Variants in VPS54 observed in about 807,000 individuals in gnomAD.
The protein encoded by VPS54 is VPS54 subunit of GARP complex, also known as vacuolar protein sorting-associated protein 54.
VPS54 carries 45 observed loss-of-function variants against 121.5 expected under a neutral mutation model. The ratio of observed to expected loss-of-function variants is 0.37; its 90% CI spans 0.29 to 0.47. The LOEUF is 0.47. Ranked by LOEUF, VPS54 falls within the 20% of genes least tolerant of loss-of-function variation. The pLI is 0.99. For synonymous variants in VPS54, 371 were observed against 385.8 expected (o/e 0.96, Z 0.45); for missense variants, 1,090 against 1,131.4 (o/e 0.96, Z 0.52).
At chr2:63,904,805 C>T (rs1672838389) in intron 20 of VPS54, among the ~76,000 whole-genome samples, 1 of 152,122 alleles carries the variant, frequency 6.6e-6, no homozygotes, top group Non-Finnish European at 1.5e-5. Flanking sequence ...ACATTCTGGG[C>T]CACAAAAGAA....
intron 12 of VPS54, among the ~76,000 whole-genome samples, chr2:63,931,279 A>G (rs1485191661): frequency 6.6e-6 from 1 of 152,222 alleles, no homozygotes; most frequent in South Asian, 2.1e-4. Flanking sequence ...AATAATCAAA[A>G]CAACATGATA....
chr2:63,983,094 ATAAG>A (rs1676872205), intron 2 of VPS54, among the ~76,000 whole-genome samples: 2 of 152,130 alleles, frequency 1.3e-5, no homozygotes, highest in South Asian at 4.1e-4. Context: ...TTCAGTTTAT[ATAAG>A]TAATGCATGA....
chr2:63,919,560 T>C (rs942291339), intron 15 of VPS54, among the ~76,000 whole-genome samples: 2 of 152,038 alleles, frequency 1.3e-5, no homozygotes, highest in Admixed American at 1.3e-4. Flanking sequence ...TGTATAAAAA[T>C]TCCTTAACCC....
At chr2:63,897,377 G>A (rs1672490257) in intron 22 of VPS54, 119 bp downstream of exon 22, 3 of 664,788 alleles carry the variant, frequency 4.5e-6, no homozygotes, top group Non-Finnish European at 7.4e-6. Context: ...AAAGCTTGCT[G>A]ATTTTACAAC....
At chr2:63,915,178 A>AG (rs1419197956) in intron 16 of VPS54, among the ~76,000 whole-genome samples, 10 of 148,632 alleles carry the variant, frequency 6.7e-5, no homozygotes, top group African/African-American at 2.2e-4. Context: ...AAAAAAAAAA[A>AG]GTTTTCCGAA....
Position 63,893,384 on chromosome 2 carries a change from A to C in VPS54, c.*46T>G, listed in dbSNP as rs1672308458. 1 of 1,517,146 alleles carries C rather than the reference A, an allele frequency of 6.6e-7. No individual in the cohort carries two copies. The highest frequency in any genetic ancestry group is 9.2e-7 in the Non-Finnish European group (1 of 1,091,912). The allele number at this position is 1,517,146 out of a possible 1,614,324, so 94.0% of individuals were successfully genotyped here. On this transcript the variant is annotated 3_prime_UTR_variant, in exon 23 of 23. Coordinates refer to ENST00000272322, the MANE Select transcript of VPS54 (RefSeq NM_016516.3). ...AGGCATCCAGATTTTCTTCATAACA[A>C]ACACATCCCATGGTCAGATGAACTA... is the stretch of plus-strand genomic sequence containing the variant.
At chr2:63,992,497 G>T (rs35909875) in intron 1 of VPS54, among the ~76,000 whole-genome samples, 26 of 152,256 alleles carry the variant, frequency 1.7e-4, no homozygotes, top group African/African-American at 6.3e-4. Flanking sequence ...TTTTAATGGC[G>T]GCCACTGCCA....
At chr2:63,970,266 T>TATATATAGATATATATAGATATATATAG (rs1676216774) in intron 4 of VPS54, among the ~76,000 whole-genome samples, 1 of 141,690 alleles carries the variant, frequency 7.1e-6, no homozygotes, top group Non-Finnish European at 1.5e-5. Flanking sequence ...TATATATAGA[T>TATATATAGATATATATAGATATATATAG]ATATATAGAT....
chr2:63,938,050 G>GT (rs1553475180), intron 11 of VPS54, among the ~76,000 whole-genome samples: 4 of 134,108 alleles, frequency 3.0e-5, no homozygotes, highest in African/African-American at 8.7e-5. Context: ...GTGTGTGTGT[G>GT]GTGTGTGTGG....
intron 1 of VPS54, among the ~76,000 whole-genome samples, chr2:63,992,643 C>A (rs1043102741): frequency 6.6e-6 from 1 of 152,220 alleles, no homozygotes; most frequent in African/African-American, 2.4e-5. Context: ...AATTTGGAAC[C>A]TTCTTTCCCG....
intron 12 of VPS54, among the ~76,000 whole-genome samples, chr2:63,933,197 A>G (rs529205672): frequency 2.0e-3 from 310 of 152,308 alleles, no homozygotes; most frequent in Non-Finnish European, 3.7e-3. Context: ...AGTTTTTAAA[A>G]TAAGGTTTAA....
At chr2:63,915,727 C>A (rs1385916358) in intron 16 of VPS54, among the ~76,000 whole-genome samples, 2 of 152,108 alleles carry the variant, frequency 1.3e-5, no homozygotes, top group African/African-American at 4.8e-5. Context: ...CTACCAGAAA[C>A]AGGGAAGGAC....
intron 20 of VPS54, among the ~76,000 whole-genome samples, chr2:63,901,581 T>C (rs1275369323): frequency 6.6e-6 from 1 of 152,168 alleles, no homozygotes; most frequent in Non-Finnish European, 1.5e-5. Flanking sequence ...AGGTGATTAG[T>C]TGCCACAAGG....
At chr2:63,986,911 C>T (rs141416827) in intron 1 of VPS54, among the ~76,000 whole-genome samples, 3 of 152,156 alleles carry the variant, frequency 2.0e-5, no homozygotes, top group Non-Finnish European at 4.4e-5. Context: ...ATCTTTTAAT[C>T]AACATATTGG....
intron 3 of VPS54, 56 bp downstream of exon 3, chr2:63,981,590 T>A: frequency 6.6e-7 from 1 of 1,504,132 alleles, no homozygotes; most frequent in Non-Finnish European, 8.9e-7. Flanking sequence ...TAAAGCATAC[T>A]AAAAATATTT....
chr2:63,979,077 C>G (rs1478623067), intron 3 of VPS54, among the ~76,000 whole-genome samples: 1 of 152,098 alleles, frequency 6.6e-6, no homozygotes, highest in Non-Finnish European at 1.5e-5. Context: ...TATCACCTTT[C>G]TTATTCTTGT....
At chr2:63,940,080 TA>T (rs1349796849) in intron 11 of VPS54, among the ~76,000 whole-genome samples, 3 of 152,160 alleles carry the variant, frequency 2.0e-5, no homozygotes, top group Non-Finnish European at 4.4e-5. Flanking sequence ...TTTAACTGAA[TA>T]TCATAATGTA....
chr2:64,000,183 T>G (rs953833148), intron 1 of VPS54, among the ~76,000 whole-genome samples: 2 of 152,192 alleles, frequency 1.3e-5, no homozygotes, highest in African/African-American at 4.8e-5. Flanking sequence ...TAAGCCATTA[T>G]GATGCATTCT....
intron 12 of VPS54, among the ~76,000 whole-genome samples, chr2:63,925,954 T>A (rs1673881009): frequency 6.6e-6 from 1 of 152,224 alleles, no homozygotes; most frequent in Non-Finnish European, 1.5e-5. Flanking sequence ...ATTGCTACAT[T>A]TTCCCATATG....
Sources: gnomAD v4.1 joint callset for allele counts (sites outside exome capture counted in the v4.1 genomes callset) on GRCh38, gnomAD v4.1.1 for gene constraint, MANE v1.5 for transcripts, NCBI Gene and HGNC (gene_info 2026-07-23, HGNC 2026-07-21) for gene names.